SUMF1: variants seen among roughly 807,000 people sequenced by gnomAD.
The protein encoded by SUMF1 is sulfatase modifying factor 1.
SUMF1 carries 48 observed loss-of-function variants against 47.6 expected under a neutral mutation model. That is an observed-to-expected ratio of 1.01 (90% CI 0.80 to 1.28). SUMF1 has a LOEUF of 1.28. Ranked by LOEUF, SUMF1 falls within the 50% of genes most tolerant of loss-of-function variation. The pLI is 0.00. For synonymous variants in SUMF1, 230 were observed against 192.1 expected (o/e 1.20, Z -1.63); for missense variants, 571 against 485.4 (o/e 1.18, Z -1.66).
intron 9 of SUMF1, among the ~76,000 whole-genome samples, chr3:4,050,274 T>C (rs993322676): frequency 5.9e-5 from 9 of 151,846 alleles, no homozygotes; most frequent in Non-Finnish European, 1.2e-4. Context: ...AATGATCCAT[T>C]TAGAACCTGA....
intron 8 of SUMF1, among the ~76,000 whole-genome samples, chr3:4,190,631 A>T (rs1695294855): frequency 6.6e-6 from 1 of 152,248 alleles, no homozygotes; most frequent in South Asian, 2.1e-4. Context: ...CCCTGAGAAA[A>T]AGGTATTATA....
chr3:4,343,067 C>G (rs1699303660), intron 8 of SUMF1, among the ~76,000 whole-genome samples: 1 of 152,196 alleles, frequency 6.6e-6, no homozygotes, highest in Non-Finnish European at 1.5e-5. Flanking sequence ...AGGGAGAGCT[C>G]AAATAGGTAC....
chr3:4,147,593 T>C (rs1458755472), intron 8 of SUMF1, among the ~76,000 whole-genome samples: 1 of 152,164 alleles, frequency 6.6e-6, no homozygotes, highest in Non-Finnish European at 1.5e-5. Flanking sequence ...ATGGTCTTTT[T>C]CTAGCCATTT....
intron 8 of SUMF1, among the ~76,000 whole-genome samples, chr3:4,257,772 A>T (rs1696988727): frequency 6.6e-6 from 1 of 152,116 alleles, no homozygotes; most frequent in African/African-American, 2.4e-5. Context: ...TTTAAAGTTC[A>T]TACGGAACCA....
chr3:4,216,472 T>C (rs1574987454), intron 8 of SUMF1, among the ~76,000 whole-genome samples: 1 of 152,254 alleles, frequency 6.6e-6, no homozygotes, highest in East Asian at 1.9e-4. Flanking sequence ...ATTCAGGACA[T>C]AGGCATGGGC....
At chr3:4,248,668 C>G (rs769278319) in intron 8 of SUMF1, among the ~76,000 whole-genome samples, 1 of 152,150 alleles carries the variant, frequency 6.6e-6, no homozygotes, top group Non-Finnish European at 1.5e-5. Flanking sequence ...AATCCAAAAG[C>G]AAAAGGGACT....
intron 3 of SUMF1, among the ~76,000 whole-genome samples, chr3:4,433,276 T>G (rs1702294334): frequency 6.6e-6 from 1 of 152,188 alleles, no homozygotes; most frequent in African/African-American, 2.4e-5. Context: ...AAGGTCACAT[T>G]AAACAGGTAT....
chr3:4,361,980 G>T lies in SUMF1; in HGVS notation c.*164C>A. The T allele has an allele frequency of 1.5e-6, 1 of 646,744 alleles. No homozygotes were observed. The highest frequency in any genetic ancestry group is 2.8e-6 in the Non-Finnish European group (1 of 357,600). The allele number at this position is 646,744 out of a possible 1,614,324, so 40.1% of individuals were successfully genotyped here. On this transcript the variant is annotated 3_prime_UTR_variant, in exon 9 of 9. Coordinates refer to ENST00000272902, the MANE Select transcript of SUMF1 (RefSeq NM_182760.4). ...CCATAAAGCACATGCACTGACCCAG[G>T]TCAGCAATTTGGTCTCACAAGGCGG...
At chr3:4,442,908 C>A (rs968577671) in intron 3 of SUMF1, among the ~76,000 whole-genome samples, 1 of 148,718 alleles carries the variant, frequency 6.7e-6, no homozygotes, top group Non-Finnish European at 1.5e-5. Context: ...AGCAGCAGAA[C>A]AACATCCTTA....
At chr3:4,335,080 G>A (rs1699118552) in intron 8 of SUMF1, among the ~76,000 whole-genome samples, 1 of 152,090 alleles carries the variant, frequency 6.6e-6, no homozygotes, top group South Asian at 2.1e-4. Context: ...GCAGCTGCAG[G>A]GATTTCAGTT....
chr3:4,239,782 C>T (rs952745329), intron 8 of SUMF1, among the ~76,000 whole-genome samples: 1 of 152,112 alleles, frequency 6.6e-6, no homozygotes, highest in Non-Finnish European at 1.5e-5. Context: ...TGCCTGATTG[C>T]CCTGGCCAGA....
chr3:4,098,377 C>T (rs59845354), intron 8 of SUMF1, among the ~76,000 whole-genome samples: 3,853 of 152,190 alleles, frequency 0.025, 262 homozygotes, highest in East Asian at 0.16. Context: ...CATAGGGACA[C>T]ACAATATTAT....
At chr3:4,259,518 G>A (rs1032655440) in intron 8 of SUMF1, among the ~76,000 whole-genome samples, 2 of 152,112 alleles carry the variant, frequency 1.3e-5, no homozygotes, top group African/African-American at 4.8e-5. Flanking sequence ...TGGATTCGAT[G>A]TGGGATATAA....
intron 3 of SUMF1, among the ~76,000 whole-genome samples, chr3:4,433,919 A>G (rs919485246): frequency 3.3e-5 from 5 of 152,246 alleles, no homozygotes; most frequent in African/African-American, 1.2e-4. Context: ...AGGTCAAGAG[A>G]TATGTCACCA....
chr3:4,267,322 C>T (rs1210551992), intron 8 of SUMF1, among the ~76,000 whole-genome samples: 2 of 152,144 alleles, frequency 1.3e-5, no homozygotes, highest in Non-Finnish European at 2.9e-5. Context: ...CCCTGTACCT[C>T]TGGTAGAATT....
chr3:4,066,136 C>A (rs1478315434), intron 9 of SUMF1, among the ~76,000 whole-genome samples: 1 of 151,940 alleles, frequency 6.6e-6, no homozygotes, highest in Non-Finnish European at 1.5e-5. Flanking sequence ...ACATTCAGCA[C>A]AGTCCATCCC....
chr3:4,414,371 T>A lies in SUMF1; in HGVS notation c.840+2757A>T, dbSNP rs75598127. 2.2e-3 allele frequency among the ~76,000 whole-genome samples: 329 copies of A among 152,250 alleles called. 2 individuals are homozygous for A. The highest frequency in any genetic ancestry group is 7.7e-3 in the African/African-American group (318 of 41,552). On this transcript the variant is annotated intron_variant, in intron 6 of 8. Coordinates refer to ENST00000272902, the MANE Select transcript of SUMF1 (RefSeq NM_182760.4). ...GACCTGAAATAATAAATACATGAAA[T>A]ATCAGGTCAGGGAGCTATTTCCCTG... is the stretch of plus-strand genomic sequence containing the variant.
intron 8 of SUMF1, among the ~76,000 whole-genome samples, chr3:4,245,292 G>A (rs1696636372): frequency 6.6e-6 from 1 of 152,146 alleles, no homozygotes; most frequent in Non-Finnish European, 1.5e-5. Context: ...GCGAGGAGTT[G>A]TATTCCTTTG....
chr3:4,461,026 T>A (rs1051294822), intron 1 of SUMF1, among the ~76,000 whole-genome samples: 1 of 152,174 alleles, frequency 6.6e-6, no homozygotes, highest in Non-Finnish European at 1.5e-5. Context: ...ATGAATCTTT[T>A]ATTTCTATAT....
Sources: gnomAD v4.1 joint callset for allele counts (sites outside exome capture counted in the v4.1 genomes callset) on GRCh38, gnomAD v4.1.1 for gene constraint, MANE v1.5 for transcripts, NCBI Gene and HGNC (gene_info 2026-07-23, HGNC 2026-07-21) for gene names.